Variants in WDPCP observed in about 807,000 individuals in gnomAD.
WDPCP encodes the protein WD repeat containing planar cell polarity effector.
A neutral mutation model predicts 93.1 loss-of-function variants in WDPCP; 71 were observed. The ratio of observed to expected loss-of-function variants is 0.76; its 90% CI spans 0.63 to 0.93. WDPCP has a LOEUF of 0.93. Ranked by LOEUF, WDPCP falls within the 40% of genes least tolerant of loss-of-function variation. The probability of loss-of-function intolerance (pLI) is 0.00; values close to 1 mark genes in which losing one functional copy is unlikely to be tolerated. For missense variants in WDPCP, 844 were observed against 887.4 expected, an observed-to-expected ratio of 0.95 and a Z score of 0.62; for synonymous variants, 315 against 315.0, an observed-to-expected ratio of 1.00 and a Z score of 0.00.
At chr2:63,397,953 G>A (rs940253624) in intron 10 of WDPCP, among the ~76,000 whole-genome samples, 41 of 152,130 alleles carry the variant, frequency 2.7e-4, no homozygotes, top group African/African-American at 9.7e-4. Flanking sequence ...TGTAGTTTGG[G>A]CCTGTTTATC....
chr2:63,480,709 A>T (rs533374131), intron 6 of WDPCP, among the ~76,000 whole-genome samples: 2 of 152,196 alleles, frequency 1.3e-5, no homozygotes, highest in South Asian at 4.1e-4. Flanking sequence ...CTGGATTCTC[A>T]TCTCTCACCT....
At chr2:63,414,908 T>TATGTCC (rs1490744256) in intron 9 of WDPCP, among the ~76,000 whole-genome samples, 1 of 152,038 alleles carries the variant, frequency 6.6e-6, no homozygotes, top group Non-Finnish European at 1.5e-5. Context: ...ACCATGGACT[T>TATGTCC]ATGTACCCCC....
intron 1 of WDPCP, among the ~76,000 whole-genome samples, chr2:63,573,687 A>C (rs1284378209): frequency 6.6e-6 from 1 of 152,214 alleles, no homozygotes; most frequent in Non-Finnish European, 1.5e-5. Context: ...GAACAGGATA[A>C]CAGCAATGTT....
chr2:63,384,218 C>G (rs955975398), intron 10 of WDPCP, among the ~76,000 whole-genome samples: 1 of 151,952 alleles, frequency 6.6e-6, no homozygotes, highest in Non-Finnish European at 1.5e-5. Flanking sequence ...TCAATGAATT[C>G]AACAGCTTGT....
At position 63,169,159 on chromosome 2, in the gene WDPCP, A is replaced by G. The variant is rs1673203599; in HGVS notation, c.2078+5511T>C. On this transcript the variant is annotated intron_variant, in intron 15 of 17. Coordinates refer to ENST00000272321, the MANE Select transcript of WDPCP (RefSeq NM_015910.7). ...CCTTTTATCTTCTGCCTACATTTAT[A>G]TTTATTAAAATATAGTCAGTCCTTG... is the stretch of plus-strand genomic sequence containing the variant. Among the ~76,000 whole-genome samples the G allele has an allele frequency of 1.3e-5, 2 of 152,266 alleles. 1 individual carries two copies. Among genetic ancestry groups the G allele is most frequent in the South Asian group, 4.1e-4 (2 of 4,830 alleles).
chr2:63,275,956 CTT>C (rs70965115), intron 13 of WDPCP, among the ~76,000 whole-genome samples: 122,952 of 151,996 alleles, frequency 0.81, 50,511 homozygotes, highest in East Asian at 0.96. Flanking sequence ...TCCATAGACT[CTT>C]TGAAGGAACT....
At chr2:63,658,742 T>C (rs1317726821) in intron 2 of WDPCP, among the ~76,000 whole-genome samples, 2 of 152,212 alleles carry the variant, frequency 1.3e-5, no homozygotes, top group African/African-American at 4.8e-5. Flanking sequence ...ATTGGGTTGC[T>C]GGATCCAAGT....
chr2:63,267,554 T>A (rs12993804), intron 13 of WDPCP, among the ~76,000 whole-genome samples: 39,321 of 152,116 alleles, frequency 0.26, 5,694 homozygotes, highest in Middle Eastern at 0.39. Context: ...ATAAACCATG[T>A]ATTGGGAGAA....
chr2:63,575,479 GTGTATATATAGTATATACAGTATATACAC>G (rs1558833128), intron 1 of WDPCP, among the ~76,000 whole-genome samples: 29 of 2,510 alleles, frequency 0.012, no homozygotes, highest in Non-Finnish European at 0.021. Flanking sequence ...AGTATATACA[GTGTATATATAGTATATACAGTATATACAC>G]TGTATATATA....
At chr2:63,760,460 C>T (rs1414312922) in intron 2 of WDPCP, among the ~76,000 whole-genome samples, 1 of 151,942 alleles carries the variant, frequency 6.6e-6, no homozygotes, top group African/African-American at 2.4e-5. Context: ...CTGCCCCTAA[C>T]AACTTCTAGA....
intron 1 of WDPCP, among the ~76,000 whole-genome samples, chr2:63,534,544 G>C (rs1704117748): frequency 6.6e-6 from 1 of 152,194 alleles, no homozygotes; most frequent in South Asian, 2.1e-4. Context: ...TGGGATGCAA[G>C]ACTGGTTCAG....
At chr2:63,512,462 T>C (rs1231585882) in intron 1 of WDPCP, among the ~76,000 whole-genome samples, 2 of 152,190 alleles carry the variant, frequency 1.3e-5, no homozygotes, top group East Asian at 3.8e-4. Context: ...TGCAGCACTA[T>C]TCACAATAAC....
intron 15 of WDPCP, among the ~76,000 whole-genome samples, chr2:63,173,155 C>T (rs1371548645): frequency 6.6e-6 from 1 of 151,716 alleles, no homozygotes; most frequent in Non-Finnish European, 1.5e-5. Flanking sequence ...GTAATCCCAG[C>T]TACTATGGAG....
chr2:63,727,969 G>A (rs1669513877), intron 2 of WDPCP, among the ~76,000 whole-genome samples: 1 of 152,118 alleles, frequency 6.6e-6, no homozygotes, highest in Admixed American at 6.5e-5. Context: ...GCAATTTAAA[G>A]AAGCTAAAGC....
chr2:63,213,720 CT>C (rs929555495), intron 14 of WDPCP, among the ~76,000 whole-genome samples: 1 of 152,088 alleles, frequency 6.6e-6, no homozygotes, highest in African/African-American at 2.4e-5. Context: ...AATTGATAGA[CT>C]GCTAGCAAGA....
At chr2:63,420,428 G>GGA (rs1695767694) in intron 9 of WDPCP, among the ~76,000 whole-genome samples, 1 of 150,992 alleles carries the variant, frequency 6.6e-6, no homozygotes, top group Non-Finnish European at 1.5e-5. Context: ...CAGCTATTCG[G>GGA]GAGGCTGAGG....
At chr2:63,709,471 A>G (rs1669227979) in intron 2 of WDPCP, among the ~76,000 whole-genome samples, 1 of 152,196 alleles carries the variant, frequency 6.6e-6, no homozygotes, top group Non-Finnish European at 1.5e-5. Flanking sequence ...GTATTGGATT[A>G]CGCTATGAAA....
chr2:63,453,029 A>C (rs1698366557), intron 6 of WDPCP, among the ~76,000 whole-genome samples: 1 of 152,222 alleles, frequency 6.6e-6, no homozygotes, highest in Non-Finnish European at 1.5e-5. Context: ...GGACATAGGC[A>C]TGGACAAGGA....
chr2:63,608,721 G>A (rs1709581945), intron 3 of WDPCP, among the ~76,000 whole-genome samples: 1 of 151,996 alleles, frequency 6.6e-6, no homozygotes, highest in South Asian at 2.1e-4. Flanking sequence ...AAGGCAAGAG[G>A]ATCACCTAGG....
Sources: allele counts gnomAD v4.1 joint callset (sites outside exome capture counted in the v4.1 genomes callset), GRCh38; gene constraint gnomAD v4.1.1; transcripts MANE v1.5; gene names NCBI Gene and HGNC (gene_info 2026-07-23, HGNC 2026-07-21).